Variants in TCERG1L observed in about 807,000 individuals in gnomAD.
TCERG1L encodes transcription elongation regulator 1-like protein.
TCERG1L carries 37 observed loss-of-function variants against 56.3 expected under a neutral mutation model. That is an observed-to-expected ratio of 0.66 (90% CI 0.51 to 0.87). The LOEUF is 0.87. TCERG1L is among the 40% of genes least tolerant of loss of function. The pLI is 0.00. For missense variants in TCERG1L, 799 were observed against 774.2 expected (o/e 1.03, Z -0.38); for synonymous variants, 324 against 326.3 (o/e 0.99, Z 0.08).
intron 4 of TCERG1L, among the ~76,000 whole-genome samples, chr10:131,202,079 C>G (rs187380594): frequency 1.3e-5 from 2 of 152,280 alleles, no homozygotes; most frequent in East Asian, 3.9e-4. Flanking sequence ...TTAAGAGTCT[C>G]GATTTATATT....
At chr10:131,284,832 A>G (rs1165716362) in intron 3 of TCERG1L, among the ~76,000 whole-genome samples, 2 of 152,214 alleles carry the variant, frequency 1.3e-5, no homozygotes, top group Non-Finnish European at 2.9e-5. Context: ...GAACCCTACC[A>G]GAATAGGAAA....
intron 7 of TCERG1L, among the ~76,000 whole-genome samples, chr10:131,141,965 C>T (rs1002606317): frequency 6.6e-6 from 1 of 152,230 alleles, no homozygotes; most frequent in African/African-American, 2.4e-5. Context: ...GCCCTGCAAG[C>T]TCCACCCTCA....
rs9299881 is a variant in TCERG1L at position 131,289,534 on chromosome 10, G to GGTGTGT, written c.670+18671_670+18676dup. ...GTGTGCACTGCCTCCATCTCCTATCGGTGTGTATGTGTGCACCGCTGTGTG... is the reference window on the plus strand; with the variant it reads ...GTGTGCACTGCCTCCATCTCCTATCGGTGTGTGTGTGTATGTGTGCACCGCTGTGTG... On this transcript the variant is annotated intron_variant, in intron 3 of 11. Coordinates refer to ENST00000368642, the MANE Select transcript of TCERG1L (RefSeq NM_174937.4). 1.9e-3 allele frequency among the ~76,000 whole-genome samples: 29 copies of GGTGTGT among 14,956 alleles called. 1 individual carries two copies. Among genetic ancestry groups the GGTGTGT allele is most frequent in the Admixed American group, 3.9e-3 (4 of 1,022 alleles). The allele number at this position is 14,956 out of a possible 152,430, so 9.8% of individuals were successfully genotyped here. A position where few individuals can be genotyped will look rare whatever the true frequency, so the allele number is the denominator to read the frequency against.
At chr10:131,292,819 C>T (rs541549246) in intron 3 of TCERG1L, among the ~76,000 whole-genome samples, 3 of 151,266 alleles carry the variant, frequency 2.0e-5, no homozygotes, top group East Asian at 1.9e-4. Flanking sequence ...GTTTTCGTGT[C>T]CATGAGAATT....
At chr10:131,300,846 G>T (rs1309486855) in intron 3 of TCERG1L, among the ~76,000 whole-genome samples, 1 of 150,820 alleles carries the variant, frequency 6.6e-6, no homozygotes, top group East Asian at 1.9e-4. Context: ...CCTGGGAATG[G>T]GCACACCCCT....
intron 6 of TCERG1L, among the ~76,000 whole-genome samples, chr10:131,149,468 T>G (rs1845840118): frequency 6.6e-6 from 1 of 152,220 alleles, no homozygotes; most frequent in African/African-American, 2.4e-5. Context: ...AAGTTTTTAT[T>G]GAGTCTAAAG....
At chr10:131,240,465 T>C (rs1326422699) in intron 4 of TCERG1L, among the ~76,000 whole-genome samples, 3 of 152,200 alleles carry the variant, frequency 2.0e-5, no homozygotes, top group Non-Finnish European at 4.4e-5. Context: ...TCTTTTATAA[T>C]CTGACCATCC....
intron 3 of TCERG1L, among the ~76,000 whole-genome samples, chr10:131,275,440 T>C (rs1453776332): frequency 6.6e-6 from 1 of 152,124 alleles, no homozygotes; most frequent in Non-Finnish European, 1.5e-5. Flanking sequence ...AATGCGTTGT[T>C]ATTATTGTGA....
chr10:131,137,066 G>A (rs1483264403), intron 7 of TCERG1L, among the ~76,000 whole-genome samples: 1 of 152,138 alleles, frequency 6.6e-6, no homozygotes, highest in South Asian at 2.1e-4. Flanking sequence ...CTTGAAAACA[G>A]AAGGCAGAGG....
chr10:131,136,990 A>G (rs1299270748), intron 7 of TCERG1L, among the ~76,000 whole-genome samples: 1 of 151,786 alleles, frequency 6.6e-6, no homozygotes, highest in African/African-American at 2.4e-5. Flanking sequence ...AAATATAAAA[A>G]TTAGCCGGGT....
intron 3 of TCERG1L, among the ~76,000 whole-genome samples, chr10:131,304,753 G>T (rs1846803025): frequency 6.6e-6 from 1 of 152,108 alleles, no homozygotes; most frequent in African/African-American, 2.4e-5. Context: ...CTGTGAGAAG[G>T]CTCTGCCTCT....
chr10:131,154,993 G>A (rs1845904317), intron 6 of TCERG1L, among the ~76,000 whole-genome samples: 1 of 152,212 alleles, frequency 6.6e-6, no homozygotes, highest in East Asian at 1.9e-4. Flanking sequence ...GCTGGCGGCT[G>A]CTGCACAGTG....
chr10:131,181,620 T>A (rs1439596762), intron 4 of TCERG1L, among the ~76,000 whole-genome samples: 1 of 152,230 alleles, frequency 6.6e-6, no homozygotes, highest in Non-Finnish European at 1.5e-5. Flanking sequence ...GCCAGCCTCA[T>A]CTGCTGCCAG....
chr10:131,235,368 G>A (rs72841345), intron 4 of TCERG1L, among the ~76,000 whole-genome samples: 4,420 of 152,280 alleles, frequency 0.029, 80 homozygotes, highest in Non-Finnish European at 0.044. Context: ...AGGAAAGTCC[G>A]AGCCTTGCTA....
intron 4 of TCERG1L, among the ~76,000 whole-genome samples, chr10:131,207,485 G>A (rs1004503703): frequency 3.9e-5 from 6 of 152,202 alleles, no homozygotes; most frequent in African/African-American, 1.4e-4. Flanking sequence ...CCTTGAAGTG[G>A]CAATGCCGGC....
At chr10:131,255,085 C>CACCA (rs1476669201) in intron 4 of TCERG1L, among the ~76,000 whole-genome samples, 12 of 152,326 alleles carry the variant, frequency 7.9e-5, no homozygotes, top group African/African-American at 2.9e-4. Context: ...CCGGGCAGAA[C>CACCA]ACCAGCAGGG....
At chr10:131,098,559 T>C (rs1158600469) in intron 10 of TCERG1L, 135 bp from the exon 11 acceptor site, 4 of 1,137,900 alleles carry the variant, frequency 3.5e-6, no homozygotes, top group Non-Finnish European at 4.8e-6. Flanking sequence ...GCTGGAGTTA[T>C]GAGCAACAGC....
chr10:131,223,790 G>A (rs1845762144), intron 4 of TCERG1L, among the ~76,000 whole-genome samples: 1 of 151,880 alleles, frequency 6.6e-6, no homozygotes, highest in Non-Finnish European at 1.5e-5. Flanking sequence ...GTCACTCCCT[G>A]AAGTCTCCTT....
chr10:131,177,258 C>A (rs1213562137), intron 4 of TCERG1L, among the ~76,000 whole-genome samples: 1 of 152,172 alleles, frequency 6.6e-6, no homozygotes, highest in Non-Finnish European at 1.5e-5. Context: ...CACACACAGG[C>A]ACACACATGC....
Sources: allele counts gnomAD v4.1 joint callset (sites outside exome capture counted in the v4.1 genomes callset), GRCh38; gene constraint gnomAD v4.1.1; transcripts MANE v1.5; gene names NCBI Gene and HGNC (gene_info 2026-07-23, HGNC 2026-07-21).